Variants in SCARB2 observed in about 807,000 individuals in gnomAD.
The protein encoded by SCARB2 is lysosome membrane protein 2.
SCARB2 carries 29 observed loss-of-function variants against 58.6 expected under a neutral mutation model. That is an observed-to-expected ratio of 0.49 (90% CI 0.37 to 0.67). The LOEUF is 0.67. Ranked by LOEUF, SCARB2 falls within the 30% of genes least tolerant of loss-of-function variation. The pLI, the probability that SCARB2 is intolerant of heterozygous loss-of-function variation, is 0.00. For synonymous variants in SCARB2, 195 were observed against 210.1 expected (o/e 0.93, Z 0.62); for missense variants, 488 against 578.5 (o/e 0.84, Z 1.60).
intron 1 of SCARB2, 93 bp downstream of exon 1, chr4:76,213,334 G>A (rs1305131512): frequency 5.8e-6 from 5 of 868,816 alleles, no homozygotes; most frequent in Non-Finnish European, 9.6e-6. Context: ...GGGTCTGCCT[G>A]AGTGCTGGTC....
chr4:76,196,931 C>A (rs532414019), intron 1 of SCARB2, among the ~76,000 whole-genome samples: 2 of 152,284 alleles, frequency 1.3e-5, no homozygotes, highest in Admixed American at 6.5e-5. Flanking sequence ...CTTTAAAGAG[C>A]TGATGAAGGT....
rs1423343775 is a variant in SCARB2, at chr4:76,159,349, T to C, written c.*2364A>G. The C allele has an allele frequency of 6.6e-6, 1 of 152,220 alleles. No homozygotes were observed. Among genetic ancestry groups the C allele is most frequent in the Non-Finnish European group, 1.5e-5 (1 of 68,044 alleles). 9.4% of individuals were successfully genotyped at this position (152,220 alleles called of 1,614,324 possible). On this transcript the variant is annotated 3_prime_UTR_variant, in exon 12 of 12. Transcript: ENST00000264896. The stretch of plus-strand genomic sequence containing the variant: ...TGCATTCATTCCTCTTAATCTATAA[T>C]TTTGACTGTAGTTTGTAGATCTGTC...
At chr4:76,218,226 A>G (rs1269148189), upstream of SCARB2, among the ~76,000 whole-genome samples, 3 of 152,200 alleles carry the variant, frequency 2.0e-5, no homozygotes, top group Non-Finnish European at 2.9e-5. Context: ...GATCTATAAA[A>G]TGTACCATCA....
Position 76,213,593 on chromosome 4 carries a change from A to C in SCARB2, c.-50T>G, listed in dbSNP as rs1370310622. On this transcript the variant is annotated 5_prime_UTR_variant, in exon 1 of 12. Coordinates refer to ENST00000264896, the MANE Select transcript of SCARB2 (RefSeq NM_005506.4). ...CCGGGCCGCACCCGCCAGGGATCCA[A>C]CTGCAAGGAGGGAGGAGCCGCCGCA... The C allele has an allele frequency of 4.0e-6, 6 of 1,491,902 alleles. No homozygotes were observed. The highest frequency in any genetic ancestry group is 3.4e-5 in the Admixed American group (2 of 58,412). 92.4% of individuals were successfully genotyped at this position (1,491,902 alleles called of 1,614,324 possible). A position where few individuals can be genotyped will look rare whatever the true frequency, so the allele number is the denominator to read the frequency against.
chr4:76,183,547 C>T (rs1033770077), intron 2 of SCARB2, among the ~76,000 whole-genome samples: 1 of 152,146 alleles, frequency 6.6e-6, no homozygotes, highest in Non-Finnish European at 1.5e-5. Flanking sequence ...GAGCTCAGAA[C>T]TTCCATGCCC....
intron 7 of SCARB2, chr4:76,172,803 C>T (rs977692243): frequency 6.6e-6 from 1 of 151,994 alleles, no homozygotes; most frequent in African/African-American, 2.4e-5. Flanking sequence ...GCACACGCCA[C>T]CATGCCAGGC....
intron 1 of SCARB2, among the ~76,000 whole-genome samples, chr4:76,206,198 C>A (rs898257908): frequency 6.6e-6 from 1 of 152,242 alleles, no homozygotes; most frequent in Admixed American, 6.5e-5. Flanking sequence ...TCTGCCGGGG[C>A]CTTGATCTTG....
intron 1 of SCARB2, among the ~76,000 whole-genome samples, chr4:76,200,363 A>C (rs1732804963): frequency 6.6e-6 from 1 of 152,226 alleles, no homozygotes; most frequent in Admixed American, 6.5e-5. Context: ...AGACGAACAT[A>C]ATGAATTTTT....
chr4:76,167,668 TCCCTC>T (rs1732037174), intron 9 of SCARB2, among the ~76,000 whole-genome samples: 1 of 24,476 alleles, frequency 4.1e-5, no homozygotes, highest in African/African-American at 1.5e-4. Context: ...TTTCCCTCCC[TCCCTC>T]CCCCCCCCCG....
chr4:76,181,994 A>G (rs1280745084), intron 2 of SCARB2, among the ~76,000 whole-genome samples: 1 of 152,186 alleles, frequency 6.6e-6, no homozygotes, highest in Non-Finnish European at 1.5e-5. Context: ...AGAGGTGCCT[A>G]AACAAGTAGT....
At position 76,213,535 on chromosome 4, in the gene SCARB2, T is replaced by A. The variant is rs148558907; in HGVS notation, c.9A>T (p.Arg3=). The change falls in exon 1 of 12, where the codon CGA becomes CGT. Residue 3 remains arginine (R), a synonymous_variant. Transcript: ENST00000264896. ...ACGTCCCCGCCGTGTAGAAGCAGCA[T>A]CGGCCCATTCTGTGCGCCGCTCACG... MG[R]CCFYTAGTLS... The A allele has an allele frequency of 2.5e-6, 4 of 1,608,804 alleles. No homozygotes were observed. The African/African-American group carries it at 5.3e-5, about 21-fold the overall frequency.
At chr4:76,194,859 G>A (rs1732679000) in intron 2 of SCARB2, 2 of 152,036 alleles carry the variant, frequency 1.3e-5, no homozygotes, top group African/African-American at 2.4e-5. Context: ...AATGATTAAA[G>A]GGATCCTGAT....
intron 9 of SCARB2, among the ~76,000 whole-genome samples, chr4:76,167,552 C>G (rs1425747315): frequency 2.0e-5 from 3 of 152,110 alleles, no homozygotes; most frequent in African/African-American, 7.2e-5. Context: ...CTGAGGCATC[C>G]CTAGAAACTG....
chr4:76,165,858 A>C lies in SCARB2; in HGVS notation c.1239+392T>G, dbSNP rs147734375. The C allele has an allele frequency of 2.5e-3, 674 of 267,618 alleles. 6 individuals are homozygous for C. Among genetic ancestry groups the C allele is most frequent in the African/African-American group, 0.014 (623 of 45,302 alleles). The allele number at this position is 267,618 out of a possible 1,614,324, so 16.6% of individuals were successfully genotyped here. A position where few individuals can be genotyped will look rare whatever the true frequency, so the allele number is the denominator to read the frequency against. ...TATGTGATTCAGAAAAGAATTTATC[A>C]TAGGTGTCTTAAACCAGCATGGTTT... On this transcript the variant is annotated intron_variant, in intron 10 of 11. Transcript: ENST00000264896.
chr4:76,214,264 C>T (rs1418831752), upstream of SCARB2: 4 of 455,688 alleles, frequency 8.8e-6, no homozygotes, highest in African/African-American at 8.0e-5. Context: ...TACCAGGTGC[C>T]TGCTGAGATC....
intron 2 of SCARB2, among the ~76,000 whole-genome samples, 154 bp from the exon 3 acceptor site, chr4:76,181,255 G>T (rs1326410487): frequency 1.3e-5 from 2 of 152,160 alleles, no homozygotes; most frequent in African/African-American, 4.8e-5. Context: ...AAAAGCTGGA[G>T]ATCGAAGCTA....
chr4:76,213,304 A>G (rs1008483505), intron 1 of SCARB2, 123 bp downstream of exon 1: 5 of 748,570 alleles, frequency 6.7e-6, no homozygotes, highest in Non-Finnish European at 1.2e-5. Flanking sequence ...ACAGGGACGC[A>G]AGAAGAGCTC....
At chr4:76,187,245 G>C (rs190201829) in intron 2 of SCARB2, among the ~76,000 whole-genome samples, 3 of 152,280 alleles carry the variant, frequency 2.0e-5, no homozygotes, top group African/African-American at 7.2e-5. Context: ...AAAAAGAATA[G>C]ACTTGACTAC....
chr4:76,213,443 T>C lies in SCARB2; in HGVS notation c.101A>G (p.Asp34Gly). The change falls in exon 1 of 12, where the codon GAC (aspartate) becomes GGC (glycine). Residue 34 changes from aspartate to glycine, a missense_variant. Physicochemically the swap from Asp to Gly is moderately conservative, Grantham distance 94 (BLOSUM62 -1). Transcript: ENST00000264896. ...CCGCCTCACCTTCTCGATACTCTGGTCTACAGCCTTCTGGAAGACCCGGGC... is the reference window on the plus strand; with the variant it reads ...CCGCCTCACCTTCTCGATACTCTGGCCTACAGCCTTCTGGAAGACCCGGGC... ...LVARVFQKAVDQSIEKKIVLR... is the reference protein window; with the variant it reads ...LVARVFQKAVGQSIEKKIVLR... 1.9e-6 allele frequency: 3 copies of C among 1,610,084 alleles called. No homozygotes were observed. Among genetic ancestry groups the C allele is most frequent in the Non-Finnish European group, 2.5e-6 (3 of 1,178,018 alleles).
Sources: gnomAD v4.1 joint callset for allele counts (sites outside exome capture counted in the v4.1 genomes callset) on GRCh38, gnomAD v4.1.1 for gene constraint, MANE v1.5 for transcripts, NCBI Gene and HGNC (gene_info 2026-07-23, HGNC 2026-07-21) for gene names.